The following ITGA9 variants were observed in gnomAD, a reference collection of about 807,000 sequenced individuals.
The protein encoded by ITGA9 is integrin subunit alpha 9.
A neutral mutation model predicts 127.8 loss-of-function variants in ITGA9; 56 were observed. The ratio of observed to expected loss-of-function variants is 0.44; its 90% CI spans 0.35 to 0.55. ITGA9 has a LOEUF of 0.55. Among genes scored for constraint, ITGA9 ranks in the 20% least tolerant of loss-of-function variants. ITGA9 has a pLI of 0.00. For missense variants in ITGA9, 1,196 were observed against 1,347.1 expected, an observed-to-expected ratio of 0.89 and a Z score of 1.76; for synonymous variants, 508 against 514.5, an observed-to-expected ratio of 0.99 and a Z score of 0.17.
intron 3 of ITGA9, among the ~76,000 whole-genome samples, chr3:37,481,201 T>G (rs1698550337): frequency 6.6e-6 from 1 of 152,192 alleles, no homozygotes; most frequent in South Asian, 2.1e-4. Flanking sequence ...TCCCAGATTC[T>G]CTATTCTATA....
chr3:37,540,862 C>T (rs1008519836), intron 14 of ITGA9, among the ~76,000 whole-genome samples: 3 of 152,170 alleles, frequency 2.0e-5, no homozygotes, highest in Non-Finnish European at 2.9e-5. Flanking sequence ...TGAGAGTTTC[C>T]AGGTCTCAGA....
chr3:37,710,500 G>A (rs768358413), intron 18 of ITGA9, among the ~76,000 whole-genome samples: 1 of 152,202 alleles, frequency 6.6e-6, no homozygotes, highest in African/African-American at 2.4e-5. Context: ...TCCTGGGCTC[G>A]CAGGGCTGTC....
chr3:37,756,284 G>A (rs1696651984), intron 23 of ITGA9, among the ~76,000 whole-genome samples: 1 of 152,180 alleles, frequency 6.6e-6, no homozygotes, highest in Admixed American at 6.5e-5. Context: ...ATTTCAGAGT[G>A]TTAAAGATTT....
At chr3:37,738,969 C>T (rs1391627090) in intron 20 of ITGA9, among the ~76,000 whole-genome samples, 5 of 152,162 alleles carry the variant, frequency 3.3e-5, no homozygotes, top group Non-Finnish European at 5.9e-5. Flanking sequence ...TCAAAAATAT[C>T]GATGCCTGAT....
intron 1 of ITGA9, among the ~76,000 whole-genome samples, chr3:37,457,710 A>G (rs1347182291): frequency 6.6e-6 from 1 of 152,188 alleles, no homozygotes; most frequent in Non-Finnish European, 1.5e-5. Flanking sequence ...CTGAGTTCCA[A>G]GGGGATCCAA....
intron 27 of ITGA9, among the ~76,000 whole-genome samples, chr3:37,813,438 CT>C (rs1458426947): frequency 6.6e-6 from 1 of 152,088 alleles, no homozygotes; most frequent in Non-Finnish European, 1.5e-5. Context: ...AAGTCATTAT[CT>C]TTACTTAAGG....
intron 18 of ITGA9, among the ~76,000 whole-genome samples, chr3:37,686,355 A>G (rs1266349010): frequency 1.3e-5 from 2 of 152,146 alleles, no homozygotes; most frequent in African/African-American, 4.8e-5. Context: ...CCTGGAGCAT[A>G]AATCACTCTG....
intron 18 of ITGA9, among the ~76,000 whole-genome samples, chr3:37,715,800 T>C (rs1274340379): frequency 2.0e-5 from 3 of 152,244 alleles, no homozygotes; most frequent in Admixed American, 6.5e-5. Flanking sequence ...TTACACTGCC[T>C]CTGACTGGCA....
chr3:37,621,472 T>G (rs1700128238), intron 15 of ITGA9, among the ~76,000 whole-genome samples: 1 of 152,232 alleles, frequency 6.6e-6, no homozygotes, highest in African/African-American at 2.4e-5. Flanking sequence ...TCCATGCTTT[T>G]GGACAAGAGC....
At chr3:37,689,482 G>A (rs1264912345) in intron 18 of ITGA9, among the ~76,000 whole-genome samples, 1 of 152,228 alleles carries the variant, frequency 6.6e-6, no homozygotes, top group Non-Finnish European at 1.5e-5. Flanking sequence ...TCAGGGGCAG[G>A]CCCAGTGCAC....
intron 17 of ITGA9, among the ~76,000 whole-genome samples, chr3:37,666,891 A>G (rs9790107): frequency 0.18 from 27,365 of 152,110 alleles, 2,601 homozygotes; most frequent in East Asian, 0.24. Context: ...ATATCTGAGA[A>G]GTGAAGGAGC....
intron 3 of ITGA9, among the ~76,000 whole-genome samples, chr3:37,479,256 A>G (rs887593873): frequency 6.6e-6 from 1 of 152,254 alleles, no homozygotes; most frequent in East Asian, 1.9e-4. Context: ...TCTCTGCCTC[A>G]TATCATTTCA....
chr3:37,663,109 A>T (rs1367301857), intron 17 of ITGA9, among the ~76,000 whole-genome samples: 1 of 150,924 alleles, frequency 6.6e-6, no homozygotes, highest in African/African-American at 2.4e-5. Flanking sequence ...GTTCCAAAAC[A>T]GGCCATTGTC....
At chr3:37,604,682 C>T (rs1038264227) in intron 15 of ITGA9, among the ~76,000 whole-genome samples, 1 of 152,154 alleles carries the variant, frequency 6.6e-6, no homozygotes, top group South Asian at 2.1e-4. Context: ...TACTCACTGT[C>T]GAACAGGAAC....
chr3:37,558,441 C>T (rs971968491), intron 15 of ITGA9, among the ~76,000 whole-genome samples: 4 of 152,210 alleles, frequency 2.6e-5, no homozygotes, highest in Non-Finnish European at 4.4e-5. Context: ...GGCCTAGTCC[C>T]ACACTTGTCC....
Position 37,452,954 on chromosome 3 carries a change from G to A in ITGA9, c.185+395G>A, listed in dbSNP as rs1247417527. ...CCCAGCGAGCCTCCTGAACCTCGCAGGGCCTGGAGGAGTCGGGGCACTGGA... is the reference window on the plus strand; with the variant it reads ...CCCAGCGAGCCTCCTGAACCTCGCAAGGCCTGGAGGAGTCGGGGCACTGGA... On this transcript the variant is annotated intron_variant, in intron 1 of 27. Transcript: ENST00000264741. The surrounding 1 kb of genome is among the most constrained non-coding windows in gnomAD (Gnocchi z 7.3). Among the ~76,000 whole-genome samples, 2 of 152,236 alleles carry A rather than the reference G, an allele frequency of 1.3e-5. No homozygotes were observed. The highest frequency in any genetic ancestry group is 2.9e-5 in the Non-Finnish European group (2 of 68,040).
intron 3 of ITGA9, among the ~76,000 whole-genome samples, chr3:37,479,510 C>G (rs1263300016): frequency 1.3e-5 from 2 of 152,160 alleles, no homozygotes; most frequent in African/African-American, 2.4e-5. Flanking sequence ...GAGCAGAGAG[C>G]TTAGAAGGCT....
At chr3:37,751,851 G>C (rs888857746) in intron 23 of ITGA9, among the ~76,000 whole-genome samples, 4 of 152,204 alleles carry the variant, frequency 2.6e-5, no homozygotes, top group African/African-American at 9.7e-5. Flanking sequence ...CATAAAGTCT[G>C]TAACAGACTT....
At chr3:37,535,097 A>G (rs1273029755) in intron 14 of ITGA9, among the ~76,000 whole-genome samples, 4 of 152,266 alleles carry the variant, frequency 2.6e-5, no homozygotes, top group Non-Finnish European at 5.9e-5. Context: ...AAAAAGGGCA[A>G]ACGAGTAATA....
Sources: allele counts gnomAD v4.1 joint callset (sites outside exome capture counted in the v4.1 genomes callset), GRCh38; gene constraint gnomAD v4.1.1; non-coding constraint Gnocchi (gnomAD v3.1); transcripts MANE v1.5; gene names NCBI Gene and HGNC (gene_info 2026-07-23, HGNC 2026-07-21).